MAST2: variants seen among roughly 807,000 people sequenced by gnomAD.
The protein encoded by MAST2 is microtubule-associated serine/threonine-protein kinase 2.
In MAST2, 70 loss-of-function variants were observed where a neutral mutation model predicts 147.4. The observed-to-expected ratio is 0.47, with a 90% CI of 0.39 to 0.58. MAST2 has a LOEUF of 0.58. Ranked by LOEUF, MAST2 falls within the 20% of genes least tolerant of loss-of-function variation. The pLI, the probability that MAST2 is intolerant of heterozygous loss-of-function variation, is 0.00. For synonymous variants in MAST2, 869 were observed against 896.8 expected (o/e 0.97, Z 0.55); for missense variants, 2,080 against 2,302.3 (o/e 0.90, Z 1.98).
intron 5 of MAST2, among the ~76,000 whole-genome samples, chr1:45,966,239 C>T (rs894491957): frequency 3.3e-5 from 5 of 152,128 alleles, no homozygotes; most frequent in Admixed American, 6.5e-5. Flanking sequence ...GGTTATACCA[C>T]GGTTTATTTT....
intron 5 of MAST2, among the ~76,000 whole-genome samples, chr1:45,979,029 TA>T (rs1644291228): frequency 6.6e-6 from 1 of 151,868 alleles, no homozygotes. Context: ...ATCTCACTTT[TA>T]AAATTGTATG....
chr1:45,856,933 CTTGT>C (rs1483269436), intron 3 of MAST2, among the ~76,000 whole-genome samples: 1 of 152,036 alleles, frequency 6.6e-6, no homozygotes, highest in African/African-American at 2.4e-5. Context: ...GGAATTAGTA[CTTGT>C]TTAAGTGTTC....
intron 5 of MAST2, among the ~76,000 whole-genome samples, chr1:45,983,488 C>G (rs1644493520): frequency 7.2e-6 from 1 of 139,536 alleles, no homozygotes; most frequent in African/African-American, 2.6e-5. Flanking sequence ...GAGTAAGACA[C>G]TTTTTTTTTT....
At chr1:45,831,386 G>A (rs1486260687) in intron 3 of MAST2, among the ~76,000 whole-genome samples, 1 of 152,166 alleles carries the variant, frequency 6.6e-6, no homozygotes, top group Admixed American at 6.5e-5. Flanking sequence ...GGGAGTAGCG[G>A]GGAGGATGTC....
At chr1:45,883,914 C>CT (rs1553221920) in intron 4 of MAST2, among the ~76,000 whole-genome samples, 7 of 62,326 alleles carry the variant, frequency 1.1e-4, no homozygotes, top group Non-Finnish European at 1.8e-4. Context: ...CTATTTCTGC[C>CT]CCCCCCGCTT....
chr1:45,997,598 T>C, intron 5 of MAST2, 126 bp from the exon 6 acceptor site: 2 of 721,044 alleles, frequency 2.8e-6, no homozygotes, highest in Non-Finnish European at 5.0e-6. Flanking sequence ...CTCATTAAAC[T>C]GATAGTGGCC....
intron 19 of MAST2, 29 bp from the exon 20 acceptor site, chr1:46,029,802 C>G: frequency 1.2e-6 from 2 of 1,612,218 alleles, no homozygotes; most frequent in Non-Finnish European, 1.7e-6. Flanking sequence ...CTCATCCTAC[C>G]CCCTTGCCCA....
chr1:46,030,092 G>A, intron 20 of MAST2, 37 bp from the exon 21 acceptor site: 1 of 1,610,064 alleles, frequency 6.2e-7, no homozygotes, highest in South Asian at 1.1e-5. Context: ...GCCACCAGCA[G>A]GGCTCTGAAG....
intron 1 of MAST2, among the ~76,000 whole-genome samples, chr1:45,814,319 T>C (rs1467577532): frequency 6.6e-6 from 1 of 152,188 alleles, no homozygotes; most frequent in Non-Finnish European, 1.5e-5. Context: ...GTCACCTCCA[T>C]TATTGCTCCA....
At chr1:45,829,411 GTA>G (rs1366355361) in intron 2 of MAST2, 26 bp from the exon 3 acceptor site, 38 of 1,592,472 alleles carry the variant, frequency 2.4e-5, no homozygotes, top group Non-Finnish European at 2.9e-5. Flanking sequence ...ATAATTACAT[GTA>G]TATTTTCCAA....
intron 3 of MAST2, among the ~76,000 whole-genome samples, chr1:45,878,120 C>G (rs942348489): frequency 4.0e-5 from 6 of 150,794 alleles, no homozygotes; most frequent in African/African-American, 1.2e-4. Context: ...AGGAAAATCA[C>G]TTGAACCTGG....
Position 46,035,502 on chromosome 1 carries a change from C to A in MAST2, c.4833C>A (p.Ile1611=). ...NLGQSGATDP[I]PPEGCWKAQH... ...GTCAGTCTGGAGCCACAGACCCCAT[C>A]CCTCCTGAAGGTTGCTGGAAGGCCC... The change falls in exon 29 of 29, where the codon ATC becomes ATA. Residue 1611 remains isoleucine, a synonymous_variant. Transcript: ENST00000361297. This position sits in a 1 kb window ranked among gnomAD's most constrained non-coding sequence, Gnocchi z 5.5. 6.2e-7 allele frequency: 1 copy of A among 1,613,308 alleles called. No individual in the cohort carries two copies. Among genetic ancestry groups the A allele is most frequent in the Non-Finnish European group, 8.5e-7 (1 of 1,180,008 alleles).
intron 3 of MAST2, among the ~76,000 whole-genome samples, chr1:45,880,532 G>A (rs12143448): frequency 0.096 from 14,604 of 152,120 alleles, 878 homozygotes; most frequent in Middle Eastern, 0.14. Context: ...ATTGGCATAC[G>A]TAAGATTAAG....
chr1:45,982,532 G>A (rs921914816), intron 5 of MAST2, among the ~76,000 whole-genome samples: 1 of 152,182 alleles, frequency 6.6e-6, no homozygotes, highest in Admixed American at 6.5e-5. Flanking sequence ...AGAGCTTCCT[G>A]GTTGGTGAAC....
intron 4 of MAST2, among the ~76,000 whole-genome samples, chr1:45,928,268 A>T (rs1654725427): frequency 6.6e-6 from 1 of 152,198 alleles, no homozygotes; most frequent in Non-Finnish European, 1.5e-5. Flanking sequence ...GTATCTCTAA[A>T]TGTAAGGACT....
Position 46,030,746 on chromosome 1 carries a change from T to G in MAST2, c.2693T>G (p.Ile898Ser). ...AAAGGCCGAGACCGGAGCTGGGTGA[T>G]TGGCTCCCCTGAGATGTGAGCACCC... The part of the protein sequence containing the change: ...GLKGRDRSWV[I>S]GSPEILRKRL... The change falls in exon 22 of 29, where the codon ATT becomes AGT. Residue 898 changes from isoleucine to serine, a missense_variant. Physicochemically the swap from Ile to Ser is moderately radical, Grantham distance 142. Transcript: ENST00000361297. 6.3e-7 allele frequency: 1 copy of G among 1,585,692 alleles called. No homozygotes were observed. Among genetic ancestry groups the G allele is most frequent in the South Asian group, 1.2e-5 (1 of 86,878 alleles).
intron 4 of MAST2, among the ~76,000 whole-genome samples, chr1:45,909,477 T>C (rs1389180387): frequency 2.6e-5 from 4 of 152,070 alleles, no homozygotes; most frequent in African/African-American, 7.2e-5. Flanking sequence ...TATAATATTA[T>C]GCTTTTAAGA....
At chr1:45,830,950 C>T (rs1019151565) in intron 3 of MAST2, among the ~76,000 whole-genome samples, 15 of 149,834 alleles carry the variant, frequency 1.0e-4, no homozygotes, top group African/African-American at 3.0e-4. Flanking sequence ...GTGGGATAAT[C>T]GCTTGAGCCT....
At position 46,035,908 on chromosome 1, in the gene MAST2, C is replaced by G; in HGVS notation, c.5239C>G (p.Pro1747Ala). The G allele has an allele frequency of 6.2e-7, 1 of 1,614,088 alleles. No homozygotes were observed. Residue 1747 changes from proline to alanine, a missense_variant, in exon 29 of 29, where the codon CCT (proline) becomes GCT (alanine). Physicochemically the swap from Pro to Ala is conservative, Grantham distance 27 (BLOSUM62 -1). Around this residue, in one of 4 missense-constraint regions of MAST2, gnomAD observed 1,278 missense variants for 1,304.2 expected, o/e 0.98. Coordinates refer to ENST00000361297, the MANE Select transcript of MAST2 (RefSeq NM_015112.3). The surrounding 1 kb of genome is among the most constrained non-coding windows in gnomAD (Gnocchi z 5.5). Reference sequence around the variant, plus strand: ...TCCAGCCCTGAGCATCACCCAAGTGCCTGATGCCTCAGGTGACAGAAGGCA... The same window carrying G: ...TCCAGCCCTGAGCATCACCCAAGTGGCTGATGCCTCAGGTGACAGAAGGCA... ...EDPALSITQV[P>A]DASGDRRQDV...
Sources: allele counts gnomAD v4.1 joint callset (sites outside exome capture counted in the v4.1 genomes callset), GRCh38; gene constraint gnomAD v4.1.1; regional missense constraint gnomAD v4.1.1; non-coding constraint Gnocchi (gnomAD v3.1); transcripts MANE v1.5; gene names NCBI Gene and HGNC (gene_info 2026-07-23, HGNC 2026-07-21).